The following ZBTB20 variants were observed in gnomAD, a reference collection of about 807,000 sequenced individuals.
ZBTB20 encodes zinc finger and BTB domain-containing protein 20.
In ZBTB20, 9 loss-of-function variants were observed where a neutral mutation model predicts 56.9. That is an observed-to-expected ratio of 0.16 (90% CI 0.10 to 0.28). The LOEUF is 0.28. Among genes scored for constraint, ZBTB20 ranks in the 10% least tolerant of loss-of-function variants. The probability of loss-of-function intolerance (pLI) is 1.00; values close to 1 mark genes in which losing one functional copy is unlikely to be tolerated. For missense variants in ZBTB20, 655 were observed against 1,003.0 expected, an observed-to-expected ratio of 0.65 and a Z score of 4.69; for synonymous variants, 417 against 420.7, an observed-to-expected ratio of 0.99 and a Z score of 0.11.
chr3:114,493,020 C>T (rs1201275780), intron 7 of ZBTB20, among the ~76,000 whole-genome samples: 1 of 152,208 alleles, frequency 6.6e-6, no homozygotes, highest in Non-Finnish European at 1.5e-5. Flanking sequence ...TAGCAACACT[C>T]ACCTCCATTT....
At chr3:114,979,721 G>C (rs973803492) in intron 2 of ZBTB20, among the ~76,000 whole-genome samples, 1 of 151,924 alleles carries the variant, frequency 6.6e-6, no homozygotes, top group East Asian at 1.9e-4. Context: ...CAGTTCCATC[G>C]TCAAGAAGAC....
rs1264440556 is a variant in ZBTB20, at chr3:114,315,627, A to T, written c.*23378T>A. 2 of 150,828 alleles carry T rather than the reference A, an allele frequency of 1.3e-5. No individual in the cohort carries two copies. Among genetic ancestry groups the T allele is most frequent in the Non-Finnish European group, 2.9e-5 (2 of 67,996 alleles). The allele number at this position is 150,828 out of a possible 1,614,324, so 9.3% of individuals were successfully genotyped here. A position where few individuals can be genotyped will look rare whatever the true frequency, so the allele number is the denominator to read the frequency against. On this transcript the variant is annotated 3_prime_UTR_variant, in exon 12 of 12. Coordinates refer to ENST00000675478, the MANE Select transcript of ZBTB20 (RefSeq NM_001348800.3). ...TGTGTACACAGTAGCAATTGCAAAA[A>T]AGGGACCATATTCCTTTCCATACTA...
At position 114,921,188 on chromosome 3, in the gene ZBTB20, C is replaced by A. The variant is rs188183361; in HGVS notation, c.-455-20846G>T. ...CCCAGGCTGCAGTGCAATGGTGTGA[C>A]CTTGGCTCACTGCAACCTCCATCTC... On this transcript the variant is annotated intron_variant, in intron 3 of 11. Coordinates refer to ENST00000675478, the MANE Select transcript of ZBTB20 (RefSeq NM_001348800.3). Among the ~76,000 whole-genome samples the A allele has an allele frequency of 4.5e-3, 689 of 152,182 alleles. 3 individuals are homozygous for A. The highest frequency in any genetic ancestry group is 0.025 in the South Asian group (118 of 4,814).
At chr3:114,391,054 T>C (rs1250957401) in intron 7 of ZBTB20, among the ~76,000 whole-genome samples, 2 of 152,132 alleles carry the variant, frequency 1.3e-5, no homozygotes, top group Non-Finnish European at 2.9e-5. Context: ...CTGATTGTGA[T>C]TCCTGAATCA....
chr3:114,626,701 C>G (rs907336080), intron 6 of ZBTB20, among the ~76,000 whole-genome samples: 2 of 152,094 alleles, frequency 1.3e-5, no homozygotes, highest in African/African-American at 2.4e-5. Context: ...CAACTTGGAG[C>G]CTAACAGTTG....
intron 7 of ZBTB20, among the ~76,000 whole-genome samples, chr3:114,455,594 C>T (rs888601968): frequency 6.6e-6 from 1 of 151,954 alleles, no homozygotes; most frequent in African/African-American, 2.4e-5. Flanking sequence ...CAGTCAGATG[C>T]CGAATCTAGA....
intron 1 of ZBTB20, among the ~76,000 whole-genome samples, chr3:115,142,287 T>C (rs1255111589): frequency 6.6e-6 from 1 of 152,130 alleles, no homozygotes; most frequent in East Asian, 1.9e-4. Context: ...CACACATCGA[T>C]CAACCATCCT....
chr3:115,100,535 G>A, intron 1 of ZBTB20: 1 of 152,408 alleles, frequency 6.6e-6, no homozygotes, highest in Non-Finnish European at 1.5e-5. Flanking sequence ...CCAGCAAAAT[G>A]CAACTCGTCT....
chr3:114,482,697 C>T (rs1359202175), intron 7 of ZBTB20, among the ~76,000 whole-genome samples: 1 of 152,086 alleles, frequency 6.6e-6, no homozygotes, highest in Non-Finnish European at 1.5e-5. Flanking sequence ...AGTAACCAAT[C>T]TGCTCAAATT....
intron 4 of ZBTB20, 131 bp from the exon 5 acceptor site, chr3:114,801,305 C>CTTT (rs1271102943): frequency 2.0e-4 from 11 of 55,304 alleles, no homozygotes; most frequent in East Asian, 9.3e-4. Flanking sequence ...TTCTTTTTTT[C>CTTT]TTTTTTTTTT....
At chr3:114,904,790 T>C (rs2075260163) in intron 3 of ZBTB20, among the ~76,000 whole-genome samples, 1 of 151,904 alleles carries the variant, frequency 6.6e-6, no homozygotes. Context: ...AGGAGCACAG[T>C]TATCTATTAA....
intron 4 of ZBTB20, chr3:114,876,438 A>G (rs745308294): frequency 1.3e-5 from 2 of 152,170 alleles, no homozygotes; most frequent in Non-Finnish European, 2.9e-5. Flanking sequence ...CAACAGAGCA[A>G]GACCCCATCT....
intron 6 of ZBTB20, among the ~76,000 whole-genome samples, chr3:114,512,864 G>A (rs534904625): frequency 3.3e-5 from 5 of 152,208 alleles, no homozygotes; most frequent in South Asian, 4.1e-4. Flanking sequence ...TCTCCCAGAC[G>A]TAGTACTCAC....
intron 2 of ZBTB20, among the ~76,000 whole-genome samples, chr3:115,055,335 A>G (rs2081732373): frequency 6.6e-6 from 1 of 151,976 alleles, no homozygotes; most frequent in Non-Finnish European, 1.5e-5. Context: ...CAAGAACCAT[A>G]GGATTAATCC....
At chr3:114,641,075 C>T (rs2059533690) in intron 6 of ZBTB20, among the ~76,000 whole-genome samples, 1 of 151,920 alleles carries the variant, frequency 6.6e-6, no homozygotes, top group Admixed American at 6.6e-5. Flanking sequence ...TGTTTAAAAA[C>T]ATTTTAAAAA....
At chr3:114,982,902 TG>T (rs2078387865) in intron 2 of ZBTB20, among the ~76,000 whole-genome samples, 1 of 152,020 alleles carries the variant, frequency 6.6e-6, no homozygotes, top group African/African-American at 2.4e-5. Flanking sequence ...AATGAGAACC[TG>T]GTTTAATATA....
chr3:114,851,414 A>G (rs971540279), intron 4 of ZBTB20, among the ~76,000 whole-genome samples: 4 of 152,096 alleles, frequency 2.6e-5, no homozygotes, highest in African/African-American at 4.8e-5. Flanking sequence ...CCTGTAATTT[A>G]TATTTACTTA....
At chr3:114,752,641 A>G (rs1243627237) in intron 5 of ZBTB20, among the ~76,000 whole-genome samples, 5 of 152,186 alleles carry the variant, frequency 3.3e-5, no homozygotes, top group African/African-American at 1.2e-4. Flanking sequence ...CTTTACTTAA[A>G]AAATGTTTTT....
At chr3:115,069,035 T>C (rs1269301115) in intron 2 of ZBTB20, among the ~76,000 whole-genome samples, 1 of 152,132 alleles carries the variant, frequency 6.6e-6, no homozygotes, top group East Asian at 1.9e-4. Context: ...AAAGAGCACA[T>C]GCTTAGGGAG....
Sources: gnomAD v4.1 joint callset for allele counts (sites outside exome capture counted in the v4.1 genomes callset) on GRCh38, gnomAD v4.1.1 for gene constraint, MANE v1.5 for transcripts, NCBI Gene and HGNC (gene_info 2026-07-23, HGNC 2026-07-21) for gene names.